COG5: variants seen among roughly 807,000 people sequenced by gnomAD.
COG5 encodes conserved oligomeric Golgi complex subunit 5.
Under a neutral mutation model 110.4 loss-of-function variants are expected in COG5, and 86 were observed. That is an observed-to-expected ratio of 0.78 (90% confidence interval 0.65 to 0.93). The LOEUF is 0.93. Among genes scored for constraint, COG5 ranks in the 40% least tolerant of loss-of-function variants. The pLI, the probability that COG5 is intolerant of heterozygous loss-of-function variation, is 0.00. For synonymous variants in COG5, 360 were observed against 334.6 expected, an observed-to-expected ratio of 1.08 and a Z score of -0.83; for missense variants, 1,077 against 987.0, an observed-to-expected ratio of 1.09 and a Z score of -1.22.
intron 16 of COG5, among the ~76,000 whole-genome samples, chr7:107,255,494 C>CT (rs1030381134): frequency 2.0e-5 from 3 of 152,020 alleles, no homozygotes; most frequent in Admixed American, 2.0e-4. Flanking sequence ...TAGAAGCTCC[C>CT]TTCCCCTTTA....
At position 107,474,714 on chromosome 7, in the gene COG5, A is replaced by G; in HGVS notation, c.538+52523T>C. 1 of 1,611,502 alleles carries G rather than the reference A, an allele frequency of 6.2e-7. No individual in the cohort carries two copies. The highest frequency in any genetic ancestry group is 1.7e-5 in the Admixed American group (1 of 59,678). On this transcript the variant is annotated intron_variant, in intron 6 of 21. Coordinates refer to ENST00000297135, the MANE Select transcript of COG5 (RefSeq NM_006348.5). This position sits in a 1 kb window ranked among gnomAD's most constrained non-coding sequence, Gnocchi z 5.7. ...ATTATCACCTGTTAGTACAGATCCC[A>G]ATATTCTTTTTCACTGTTGTAGTAA...
At chr7:107,557,626 G>A (rs889574358) in intron 2 of COG5, among the ~76,000 whole-genome samples, 3 of 152,196 alleles carry the variant, frequency 2.0e-5, no homozygotes, top group South Asian at 2.1e-4. Context: ...TATGAATTGC[G>A]AATGTAACAT....
At chr7:107,463,239 G>A (rs1796108125) in intron 6 of COG5, among the ~76,000 whole-genome samples, 1 of 152,216 alleles carries the variant, frequency 6.6e-6, no homozygotes, top group East Asian at 1.9e-4. Context: ...ATGATACTAA[G>A]GCCAGGTCAG....
chr7:107,372,817 C>A, intron 7 of COG5, 57 bp from the exon 8 acceptor site: 2 of 1,545,802 alleles, frequency 1.3e-6, no homozygotes, highest in South Asian at 2.3e-5. Flanking sequence ...CAAACAAAAT[C>A]AACATAAATA....
intron 6 of COG5, 90 bp from the exon 7 acceptor site, chr7:107,412,722 AAAC>A (rs1792400171): frequency 2.3e-6 from 2 of 852,600 alleles, no homozygotes; most frequent in Admixed American, 2.8e-5. Flanking sequence ...CAAAAAAAAA[AAAC>A]AAAAAACGCT....
At chr7:107,214,511 T>C (rs1335798588) in intron 19 of COG5, among the ~76,000 whole-genome samples, 2 of 152,104 alleles carry the variant, frequency 1.3e-5, no homozygotes. Flanking sequence ...ATAAAATATA[T>C]GAAAACACAA....
intron 5 of COG5, among the ~76,000 whole-genome samples, chr7:107,536,422 T>A (rs1287056635): frequency 6.6e-6 from 1 of 152,164 alleles, no homozygotes; most frequent in Non-Finnish European, 1.5e-5. Context: ...TTCAGTGAAG[T>A]CTCAGGATAC....
chr7:107,246,426 C>T (rs954537866), intron 17 of COG5, among the ~76,000 whole-genome samples: 1 of 152,076 alleles, frequency 6.6e-6, no homozygotes, highest in African/African-American at 2.4e-5. Context: ...AGTAAACAGA[C>T]AATCTACAAA....
intron 10 of COG5, among the ~76,000 whole-genome samples, chr7:107,338,556 G>A (rs1317416717): frequency 6.6e-6 from 1 of 151,882 alleles, no homozygotes; most frequent in East Asian, 1.9e-4. Context: ...ACCAAAATAA[G>A]GAAAAGCTCC....
intron 7 of COG5, among the ~76,000 whole-genome samples, chr7:107,377,416 AC>A (rs1310363717): frequency 3.3e-5 from 5 of 152,204 alleles, no homozygotes; most frequent in African/African-American, 1.2e-4. Context: ...TTATTAGATC[AC>A]CTTTTTCATT....
intron 6 of COG5, among the ~76,000 whole-genome samples, chr7:107,477,473 C>T (rs1437468632): frequency 6.6e-6 from 1 of 151,558 alleles, no homozygotes; most frequent in Non-Finnish European, 1.5e-5. Flanking sequence ...CCTTCTTGTC[C>T]TCTGTAATAA....
At chr7:107,435,495 A>T (rs942482639) in intron 6 of COG5, among the ~76,000 whole-genome samples, 12 of 152,104 alleles carry the variant, frequency 7.9e-5, no homozygotes, top group African/African-American at 2.9e-4. Flanking sequence ...TCTACTAAAA[A>T]TACAAAAATT....
chr7:107,539,513 T>C (rs1465669901), intron 5 of COG5, among the ~76,000 whole-genome samples: 1 of 152,182 alleles, frequency 6.6e-6, no homozygotes, highest in Admixed American at 6.5e-5. Flanking sequence ...GACTGCAGAT[T>C]AGTGCAGATT....
At position 107,266,226 on chromosome 7, in the gene COG5, A is replaced by G. The variant is rs573389081; in HGVS notation, c.1576-7843T>C. ...AATTTGTCACTTTCCCAGCACATCA[A>G]TCTAACTAAATTTTGATAATAAATG... On this transcript the variant is annotated intron_variant, in intron 14 of 21. Coordinates refer to ENST00000297135, the MANE Select transcript of COG5 (RefSeq NM_006348.5). Among the ~76,000 whole-genome samples, 189 of 152,292 alleles carry G rather than the reference A, an allele frequency of 1.2e-3. 1 individual carries two copies. The highest frequency in any genetic ancestry group is 4.4e-3 in the South Asian group (21 of 4,824).
chr7:107,227,860 T>G (rs1800470681), intron 19 of COG5, among the ~76,000 whole-genome samples: 1 of 152,170 alleles, frequency 6.6e-6, no homozygotes, highest in South Asian at 2.1e-4. Flanking sequence ...AGATGTGTGC[T>G]GCCATGCCTG....
At chr7:107,206,922 G>C (rs1395609946) in intron 21 of COG5, among the ~76,000 whole-genome samples, 2 of 152,154 alleles carry the variant, frequency 1.3e-5, no homozygotes, top group Non-Finnish European at 2.9e-5. Flanking sequence ...CAAGTGTTAT[G>C]TAACAGTTAG....
rs573831763 is a variant in COG5 at position 107,506,018 on chromosome 7, T to C, written c.538+21219A>G. Among the ~76,000 whole-genome samples the C allele has an allele frequency of 2.6e-5, 4 of 152,322 alleles. No homozygotes were observed. In the South Asian group the frequency reaches 8.3e-4, roughly 32 times the overall value. ...CACAGACTGTGAGATTCCTTGGTTA[T>C]GGATAGTCTTAATGTGTTGGCTTTC... On this transcript the variant is annotated intron_variant, in intron 6 of 21. Coordinates refer to ENST00000297135, the MANE Select transcript of COG5 (RefSeq NM_006348.5).
At chr7:107,295,116 T>G in intron 12 of COG5, among the ~76,000 whole-genome samples, 1 of 91,964 alleles carries the variant, frequency 1.1e-5, no homozygotes, top group Admixed American at 1.2e-4. Context: ...TTTTTTTTTT[T>G]TGTAGAGTCA....
At chr7:107,335,842 G>A (rs950106130) in intron 10 of COG5, among the ~76,000 whole-genome samples, 1 of 152,102 alleles carries the variant, frequency 6.6e-6, no homozygotes, top group African/African-American at 2.4e-5. Flanking sequence ...AGATAAAAGA[G>A]ACTACAAGCC....
Sources: gnomAD v4.1 joint callset for allele counts (sites outside exome capture counted in the v4.1 genomes callset) on GRCh38, gnomAD v4.1.1 for gene constraint, Gnocchi (gnomAD v3.1) non-coding constraint, MANE v1.5 for transcripts, NCBI Gene and HGNC (gene_info 2026-07-23, HGNC 2026-07-21) for gene names.